The following GNPDA2 variants were observed in gnomAD, a reference collection of about 807,000 sequenced individuals.
GNPDA2 encodes glcN6P deaminase 2.
In GNPDA2, 24 loss-of-function variants were observed where a neutral mutation model predicts 27.0. The observed-to-expected ratio is 0.89, with a 90% CI of 0.64 to 1.25. GNPDA2 has a LOEUF of 1.25. GNPDA2 is among the 50% of genes most tolerant of loss of function. The probability of loss-of-function intolerance (pLI) is 0.00; values close to 1 mark genes in which losing one functional copy is unlikely to be tolerated. For synonymous variants in GNPDA2, 94 were observed against 108.4 expected, an observed-to-expected ratio of 0.87 and a Z score of 0.83; for missense variants, 286 against 335.1, an observed-to-expected ratio of 0.85 and a Z score of 1.14.
At chr4:44,722,395 A>T (rs1272751878) in intron 1 of GNPDA2, among the ~76,000 whole-genome samples, 153 bp from the exon 2 acceptor site, 1 of 152,220 alleles carries the variant, frequency 6.6e-6, no homozygotes, top group African/African-American at 2.4e-5. Flanking sequence ...ATGCACATAT[A>T]CAATCTGAAT....
intron 3 of GNPDA2, 152 bp from the exon 4 acceptor site, chr4:44,717,447 C>A: frequency 2.0e-6 from 1 of 492,118 alleles, no homozygotes; most frequent in East Asian, 3.2e-5. Context: ...TGATTATATG[C>A]CTAGTATTAA....
rs972404167 is a variant in GNPDA2, at chr4:44,701,993, G to A, written c.*1088C>T. On this transcript the variant is annotated 3_prime_UTR_variant, in exon 7 of 7. Transcript: ENST00000295448. ...TTATGAAATGCAAAATAAGCAAAAG[G>A]AGCATTTTTTTGCTCCCCACAGAGG... The A allele has an allele frequency of 1.0e-6, 1 of 985,030 alleles. No homozygotes were observed. 61.0% of individuals were successfully genotyped at this position (985,030 alleles called of 1,614,324 possible).
At chr4:44,711,672 T>C (rs185477450) in intron 4 of GNPDA2, among the ~76,000 whole-genome samples, 1 of 152,142 alleles carries the variant, frequency 6.6e-6, no homozygotes, top group East Asian at 1.9e-4. Context: ...AATTAACTAG[T>C]AGACCTTTCT....
rs950051488 is a variant in GNPDA2 at position 44,702,616 on chromosome 4, G to A, written c.*465C>T. Reference sequence around the variant, plus strand: ...GTAGGAAGATGACTAAGGCAACCACGTGCAGAAAAGCATGTGTGTGATGCA... The same window carrying A: ...GTAGGAAGATGACTAAGGCAACCACATGCAGAAAAGCATGTGTGTGATGCA... On this transcript the variant is annotated 3_prime_UTR_variant, in exon 7 of 7. Transcript: ENST00000295448. 6 of 1,000,584 alleles carry A rather than the reference G, an allele frequency of 6.0e-6. No homozygotes were observed. Among genetic ancestry groups the A allele is most frequent in the South Asian group, 4.4e-5 (1 of 22,722 alleles). 62.0% of individuals were successfully genotyped at this position (1,000,584 alleles called of 1,614,324 possible).
chr4:44,703,440 G>T, intron 6 of GNPDA2: 1 of 1,116,394 alleles, frequency 9.0e-7, no homozygotes, highest in South Asian at 3.2e-5. Flanking sequence ...TGACAAATTT[G>T]AATACTGACT....
intron 4 of GNPDA2, among the ~76,000 whole-genome samples, chr4:44,716,333 A>G (rs1717280165): frequency 6.6e-6 from 1 of 151,938 alleles, no homozygotes; most frequent in African/African-American, 2.4e-5. Context: ...ATATACAGAT[A>G]ATTTACAGCA....
intron 2 of GNPDA2, among the ~76,000 whole-genome samples, chr4:44,719,130 C>G (rs766394130): frequency 6.6e-6 from 1 of 151,846 alleles, no homozygotes; most frequent in Non-Finnish European, 1.5e-5. Context: ...TTTAGCCACT[C>G]GAGGATGGCC....
At chr4:44,707,583 T>TGAA (rs1716687663) in intron 6 of GNPDA2, 169 bp downstream of exon 6, 1 of 501,512 alleles carries the variant, frequency 2.0e-6, no homozygotes, top group Non-Finnish European at 3.5e-6. Context: ...GGTACTACTT[T>TGAA]GAAGATACTA....
chr4:44,705,592 T>C (rs921800987), intron 6 of GNPDA2: 2 of 413,220 alleles, frequency 4.8e-6, no homozygotes, highest in Admixed American at 1.3e-4. Context: ...ATCTAACATA[T>C]GTCGATATAC....
intron 6 of GNPDA2, chr4:44,706,350 G>A (rs969665788): frequency 1.3e-4 from 19 of 151,842 alleles, no homozygotes; most frequent in African/African-American, 4.3e-4. Context: ...TATGATTTAT[G>A]TACTTAACTA....
At chr4:44,711,168 A>C in intron 4 of GNPDA2, 31 bp from the exon 5 acceptor site, 1 of 1,365,564 alleles carries the variant, frequency 7.3e-7, no homozygotes, top group African/African-American at 1.5e-5. Flanking sequence ...ACATATACAC[A>C]TGAAGTAAAT....
At chr4:44,708,047 C>G (rs1716722551) in intron 5 of GNPDA2, 121 bp from the exon 6 acceptor site, 1 of 583,776 alleles carries the variant, frequency 1.7e-6, no homozygotes, top group Non-Finnish European at 2.9e-6. Flanking sequence ...ATACATAGCT[C>G]CACATAATAG....
intron 6 of GNPDA2, chr4:44,703,968 T>C (rs1184685653): frequency 3.0e-6 from 3 of 984,388 alleles, no homozygotes; most frequent in East Asian, 2.3e-4. Context: ...CATGGGAGGG[T>C]GGGGAAAGGC....
chr4:44,718,720 T>A (rs1717480203), intron 2 of GNPDA2, among the ~76,000 whole-genome samples: 1 of 151,818 alleles, frequency 6.6e-6, no homozygotes, highest in African/African-American at 2.4e-5. Context: ...TAACTGACTT[T>A]TTAAAAATCT....
chr4:44,703,010 A>G lies in GNPDA2; in HGVS notation c.*71T>C. ...TTCCCCATGTTTTGTCATATTGCAT[A>G]GCTGAAAATTCATCTACTACTTAGT... On this transcript the variant is annotated 3_prime_UTR_variant, in exon 7 of 7. Transcript: ENST00000295448. 1.3e-6 allele frequency: 2 copies of G among 1,590,876 alleles called. No individual in the cohort carries two copies. Among genetic ancestry groups the G allele is most frequent in the Non-Finnish European group, 1.7e-6 (2 of 1,173,480 alleles).
At chr4:44,715,043 A>G (rs1330693352) in intron 4 of GNPDA2, among the ~76,000 whole-genome samples, 5 of 152,186 alleles carry the variant, frequency 3.3e-5, no homozygotes, top group East Asian at 1.9e-4. Context: ...ATAAACATAT[A>G]TAATTATAAC....
chr4:44,713,255 C>T (rs1717081671), intron 4 of GNPDA2, among the ~76,000 whole-genome samples: 1 of 152,118 alleles, frequency 6.6e-6, no homozygotes, highest in Non-Finnish European at 1.5e-5. Context: ...TTGTCTCAGG[C>T]TGAGCCAATC....
At chr4:44,723,408 A>T (rs1031476794) in intron 1 of GNPDA2, among the ~76,000 whole-genome samples, 14 of 152,126 alleles carry the variant, frequency 9.2e-5, no homozygotes, top group African/African-American at 3.4e-4. Context: ...CCTACTCCCC[A>T]ACCCTTCTAA....
intron 5 of GNPDA2, 40 bp downstream of exon 5, chr4:44,710,913 A>G: frequency 1.4e-6 from 2 of 1,415,830 alleles, no homozygotes; most frequent in African/African-American, 1.5e-5. Flanking sequence ...TTAATATATT[A>G]ACATGAAAAG....
Sources: allele counts gnomAD v4.1 joint callset (sites outside exome capture counted in the v4.1 genomes callset), GRCh38; gene constraint gnomAD v4.1.1; transcripts MANE v1.5; gene names NCBI Gene and HGNC (gene_info 2026-07-23, HGNC 2026-07-21).